Variants in ARHGEF38 observed in about 807,000 individuals in gnomAD.
The protein encoded by ARHGEF38 is Rho guanine nucleotide exchange factor (GEF) 38.
Under a neutral mutation model 79.9 loss-of-function variants are expected in ARHGEF38, and 79 were observed. The ratio of observed to expected loss-of-function variants is 0.99; its 90% confidence interval spans 0.82 to 1.19. The LOEUF is 1.19. Among genes scored for constraint, ARHGEF38 ranks in the 50% most tolerant of loss-of-function variants. ARHGEF38 has a pLI of 0.00. For synonymous variants in ARHGEF38, 366 were observed against 328.3 expected (o/e 1.11, Z -1.24); for missense variants, 962 against 907.2 (o/e 1.06, Z -0.78).
chr4:105,584,109 C>T (rs1726921517), intron 1 of ARHGEF38, among the ~76,000 whole-genome samples: 1 of 152,174 alleles, frequency 6.6e-6, no homozygotes, highest in African/African-American at 2.4e-5. Flanking sequence ...ACAGCAGTGT[C>T]TGACACAATT....
At chr4:105,571,932 T>C (rs1726256267) in intron 1 of ARHGEF38, among the ~76,000 whole-genome samples, 1 of 152,240 alleles carries the variant, frequency 6.6e-6, no homozygotes, top group South Asian at 2.1e-4. Flanking sequence ...CAGGCGAAAG[T>C]ACATTAGTCC....
At chr4:105,653,585 T>A (rs1458683148) in intron 7 of ARHGEF38, among the ~76,000 whole-genome samples, 2 of 152,156 alleles carry the variant, frequency 1.3e-5, no homozygotes, top group Non-Finnish European at 2.9e-5. Flanking sequence ...CCTCCCAAAG[T>A]GCTGGGATTA....
chr4:105,569,338 CA>C (rs761069082), intron 1 of ARHGEF38, among the ~76,000 whole-genome samples: 1 of 152,164 alleles, frequency 6.6e-6, no homozygotes, highest in Non-Finnish European at 1.5e-5. Context: ...TAGCAGTGCA[CA>C]TTAGGCCTGG....
At chr4:105,677,642 G>T in intron 13 of ARHGEF38, 110 bp from the exon 14 acceptor site, 1 of 1,007,280 alleles carries the variant, frequency 9.9e-7, no homozygotes, top group Non-Finnish European at 1.4e-6. Context: ...ATGTGACTTT[G>T]GCAAAACAAA....
At chr4:105,569,982 G>A (rs1193111554) in intron 1 of ARHGEF38, 1 of 152,158 alleles carries the variant, frequency 6.6e-6, no homozygotes, top group African/African-American at 2.4e-5. Context: ...TGAACTCTAT[G>A]CCTCCCTGTC....
At chr4:105,639,901 C>T (rs11097895) in intron 5 of ARHGEF38, among the ~76,000 whole-genome samples, 52,223 of 151,810 alleles carry the variant, frequency 0.34, 12,842 homozygotes, top group African/African-American at 0.69. Flanking sequence ...ATATATAGCC[C>T]TGTTTCAATA....
chr4:105,640,443 C>G (rs1729572241), intron 5 of ARHGEF38, among the ~76,000 whole-genome samples: 1 of 152,114 alleles, frequency 6.6e-6, no homozygotes, highest in Non-Finnish European at 1.5e-5. Flanking sequence ...ACTAAGTCAT[C>G]TTTCAAGACA....
At chr4:105,616,383 G>A (rs937298634) in intron 3 of ARHGEF38, among the ~76,000 whole-genome samples, 7 of 152,132 alleles carry the variant, frequency 4.6e-5, no homozygotes, top group Non-Finnish European at 1.0e-4. Context: ...GCAAGCCTGG[G>A]AGGCCTCAGG....
At chr4:105,566,545 T>C (rs962525603) in intron 1 of ARHGEF38, among the ~76,000 whole-genome samples, 9 of 152,236 alleles carry the variant, frequency 5.9e-5, no homozygotes, top group Non-Finnish European at 1.0e-4. Flanking sequence ...CTCAAGCATT[T>C]ATCCTTTGTG....
intron 2 of ARHGEF38, among the ~76,000 whole-genome samples, chr4:105,606,171 T>TAATTCTA (rs1728030865): frequency 6.6e-6 from 1 of 152,124 alleles, no homozygotes; most frequent in Non-Finnish European, 1.5e-5. Context: ...ATGTAATTAC[T>TAATTCTA]ACATAAGTTC....
Position 105,666,173 on chromosome 4 carries a change from A to G in ARHGEF38, c.1546-4A>G, listed in dbSNP as rs958661201. ...AAACAATGCCATATTATTTCTACCT[A>G]TAGATGCCACTGTTGGTTTCAAGCA... On this transcript the variant is annotated splice_polypyrimidine_tract_variant and splice_region_variant and intron_variant, in intron 10 of 13. Coordinates refer to ENST00000420470, the MANE Select transcript of ARHGEF38 (RefSeq NM_001242729.2). 12 of 1,517,378 alleles carry G rather than the reference A, an allele frequency of 7.9e-6. No individual in the cohort carries two copies. The highest frequency in any genetic ancestry group is 1.7e-4 in the Middle Eastern group (1 of 5,908). The allele number at this position is 1,517,378 out of a possible 1,614,324, so 94.0% of individuals were successfully genotyped here.
chr4:105,604,226 A>T (rs1285697411), intron 2 of ARHGEF38, among the ~76,000 whole-genome samples: 1 of 152,196 alleles, frequency 6.6e-6, no homozygotes, highest in Non-Finnish European at 1.5e-5. Flanking sequence ...CTTAACTTAG[A>T]TGTCATGATC....
intron 2 of ARHGEF38, 151 bp from the exon 3 acceptor site, chr4:105,613,233 A>C: frequency 1.9e-6 from 2 of 1,039,962 alleles, no homozygotes; most frequent in Non-Finnish European, 2.6e-6. Flanking sequence ...TGGAAAAAAA[A>C]ACTGCACTCT....
chr4:105,567,918 C>T lies in ARHGEF38; in HGVS notation c.196+14957C>T, dbSNP rs1726014861. Among the ~76,000 whole-genome samples, 6 of 148,588 alleles carry T rather than the reference C, an allele frequency of 4.0e-5. No homozygotes were observed. The South Asian group carries it at 1.3e-3, about 33-fold the overall frequency. ...CTAGCATTAGGTATATTTCCCAGTG[C>T]TATCCCTCCCCCCCTCCCCCCACCC... On this transcript the variant is annotated intron_variant, in intron 1 of 13. Transcript: ENST00000420470.
At chr4:105,564,275 G>A (rs766295541) in intron 1 of ARHGEF38, among the ~76,000 whole-genome samples, 6 of 152,048 alleles carry the variant, frequency 3.9e-5, no homozygotes, top group Admixed American at 6.6e-5. Flanking sequence ...AATATGATAC[G>A]TATATTAGAG....
chr4:105,603,475 A>G (rs768989214), intron 2 of ARHGEF38, among the ~76,000 whole-genome samples: 3 of 152,066 alleles, frequency 2.0e-5, no homozygotes, highest in Non-Finnish European at 2.9e-5. Flanking sequence ...TAGATATAAT[A>G]ATGTGGCACT....
Position 105,659,376 on chromosome 4 carries a change from C to A in ARHGEF38, c.1545+11C>A. The A allele has an allele frequency of 6.5e-7, 1 of 1,527,218 alleles. No individual in the cohort carries two copies. The allele number at this position is 1,527,218 out of a possible 1,614,324, so 94.6% of individuals were successfully genotyped here. ...TCCACACTTGTGCCGGTAAGCACAG[C>A]ACCAACACCTAGCTAGCTACCTTGG... On this transcript the variant is annotated intron_variant, in intron 10 of 13. Coordinates refer to ENST00000420470, the MANE Select transcript of ARHGEF38 (RefSeq NM_001242729.2).
chr4:105,645,870 G>A (rs1729818109), intron 6 of ARHGEF38, among the ~76,000 whole-genome samples: 1 of 152,210 alleles, frequency 6.6e-6, no homozygotes, highest in Non-Finnish European at 1.5e-5. Context: ...TTTCTCTACT[G>A]ATGTGAGCAA....
intron 1 of ARHGEF38, among the ~76,000 whole-genome samples, chr4:105,560,496 CA>C (rs1428273139): frequency 6.6e-6 from 1 of 152,144 alleles, no homozygotes; most frequent in East Asian, 1.9e-4. Context: ...GTGTGGGAAA[CA>C]AGCAACTTTT....
Sources: gnomAD v4.1 joint callset for allele counts (sites outside exome capture counted in the v4.1 genomes callset) on GRCh38, gnomAD v4.1.1 for gene constraint, MANE v1.5 for transcripts, NCBI Gene and HGNC (gene_info 2026-07-23, HGNC 2026-07-21) for gene names.